PKD1: variants seen among roughly 807,000 people sequenced by gnomAD.
PKD1 encodes the protein polycystin-1.
A neutral mutation model predicts 361.7 loss-of-function variants in PKD1; 81 were observed. The ratio of observed to expected loss-of-function variants is 0.22; its 90% CI spans 0.19 to 0.27. The LOEUF is 0.27. Among genes scored for constraint, PKD1 ranks in the 10% least tolerant of loss-of-function variants. The pLI is 1.00. For synonymous variants in PKD1, 3,615 were observed against 2,818.3 expected, an observed-to-expected ratio of 1.28 and a Z score of -8.95; for missense variants, 6,399 against 6,118.3, an observed-to-expected ratio of 1.05 and a Z score of -1.53.
rs2092490012 is a variant in PKD1, at chr16:2,111,078, G to A, written c.4089C>T (p.Ser1363=). 2 of 1,610,534 alleles carry A rather than the reference G, an allele frequency of 1.2e-6. No individual in the cohort carries two copies. The highest frequency in any genetic ancestry group is 2.7e-5 in the African/African-American group (2 of 74,864). ...TGAAGTAATGCGCCCTGTTCACGCGGCTGGACAGCACCAGCGCCAGGGGGA... is the reference window on the plus strand; with the variant it reads ...TGAAGTAATGCGCCCTGTTCACGCGACTGGACAGCACCAGCGCCAGGGGGA... ...GTFPLALVLS[S]RVNRAHYFTS... is the part of the protein sequence containing the mutation. Residue 1363 remains serine (S), a synonymous_variant, in exon 15 of 46, where the codon AGC becomes AGT. Coordinates refer to ENST00000262304, the MANE Select transcript of PKD1 (RefSeq NM_001009944.3).
chr16:2,092,812 G>A (rs1247324534), intron 38 of PKD1, 142 bp downstream of exon 38: 3 of 1,038,866 alleles, frequency 2.9e-6, no homozygotes, highest in East Asian at 4.7e-5. Context: ...CCTCCCCTCT[G>A]CCTACTGATG....
At chr16:2,119,540 A>G (rs1157183790) in intron 1 of PKD1, 162 bp from the exon 2 acceptor site, 9 of 689,858 alleles carry the variant, frequency 1.3e-5, no homozygotes, top group South Asian at 1.2e-4. Context: ...GGAAGACCCA[A>G]ATGAACACTC....
chr16:2,108,232 C>T lies in PKD1; in HGVS notation c.6915+20G>A, dbSNP rs367724339. 1,138 of 1,585,478 alleles carry T rather than the reference C, an allele frequency of 7.2e-4. 10 individuals carry two copies. In the African/African-American group the frequency reaches 0.013, roughly 17 times the overall value. On this transcript the variant is annotated intron_variant, in intron 15 of 45. Coordinates refer to ENST00000262304, the MANE Select transcript of PKD1 (RefSeq NM_001009944.3). Reference sequence around the variant, plus strand: ...GTGGACGGGTGAGGGGCATGGAGGACGGCCCTGCCACGCACTGACCTGTGT... The same window carrying T: ...GTGGACGGGTGAGGGGCATGGAGGATGGCCCTGCCACGCACTGACCTGTGT...
intron 1 of PKD1, among the ~76,000 whole-genome samples, chr16:2,132,888 C>A (rs2092904080): frequency 6.7e-6 from 1 of 150,166 alleles, no homozygotes; most frequent in Non-Finnish European, 1.5e-5. Context: ...TCAAGACCAG[C>A]CTGACCAATA....
intron 34 of PKD1, 73 bp downstream of exon 34, chr16:2,097,075 A>C (rs1596499881): frequency 7.4e-6 from 3 of 405,560 alleles, no homozygotes; most frequent in Non-Finnish European, 9.7e-6. Flanking sequence ...CCCAGGCGGG[A>C]ACCACGGCTG....
At position 2,098,034 on chromosome 16, in the gene PKD1, G is replaced by T. The variant is rs757492696; in HGVS notation, c.10051-50C>A. On this transcript the variant is annotated intron_variant, in intron 30 of 45. Transcript: ENST00000262304. The stretch of plus-strand genomic sequence containing the variant: ...CGGGCGGCAGCTCAGACCTGCTCAG[G>T]ACAGGGATGAGAAGCCACCTCCTCA... 32 of 1,003,782 alleles carry T rather than the reference G, an allele frequency of 3.2e-5. No individual in the cohort carries two copies. The African/African-American group carries it at 4.3e-4, about 13-fold the overall frequency. 62.2% of individuals were successfully genotyped at this position (1,003,782 alleles called of 1,614,324 possible).
At position 2,090,503 on chromosome 16, in the gene PKD1, G is replaced by A. The variant is rs375653663; in HGVS notation, c.12226C>T (p.Pro4076Ser). ...CPGTGLSTLC[P>S]AESWHLSPLL... ...GGTGACAGGTGCCAGGACTCGGCAG[G>A]ACACAGGGTAGAGAGCCCAGTCCCA... The change falls in exon 45 of 46, where the codon CCT becomes TCT. Residue 4076 changes from proline (P) to serine (S), a missense_variant. Coordinates refer to ENST00000262304, the MANE Select transcript of PKD1 (RefSeq NM_001009944.3). The A allele has an allele frequency of 1.9e-6, 3 of 1,611,608 alleles. No individual in the cohort carries two copies. The highest frequency in any genetic ancestry group is 4.5e-5 in the East Asian group (2 of 44,860).
Position 2,109,609 on chromosome 16 carries a change from G to T in PKD1, c.5558C>A (p.Thr1853Asn), listed in dbSNP as rs375128600. 3.7e-6 allele frequency: 6 copies of T among 1,610,192 alleles called. No individual in the cohort carries two copies. The East Asian group carries it at 8.9e-5, about 24-fold the overall frequency. ...GGSSKRGPHV[T>N]MVFPDAGTFS... ...GGTGCCAGCATCCGGGAAGACCATG[G>T]TGACATGAGGGCCACGCTTGCTGCT... is the stretch of plus-strand genomic sequence containing the variant. Residue 1853 changes from threonine (T) to asparagine (N), a missense_variant, in exon 15 of 46, where the codon ACC becomes AAC. Physicochemically the swap from Thr to Asn is moderately conservative, Grantham distance 65. Transcript: ENST00000262304.
At chr16:2,092,860 G>GT in intron 38 of PKD1, 94 bp downstream of exon 38, 4 of 1,447,372 alleles carry the variant, frequency 2.8e-6, no homozygotes, top group Non-Finnish European at 2.9e-6. Flanking sequence ...AGCCACAAAG[G>GT]TATCTACACA....
rs191256283 is a variant in PKD1, at chr16:2,105,291, G to A, written c.8016+31C>T. On this transcript the variant is annotated intron_variant, in intron 21 of 45. Coordinates refer to ENST00000262304, the MANE Select transcript of PKD1 (RefSeq NM_001009944.3). The stretch of plus-strand genomic sequence containing the variant: ...GAACCCAGTGCCCTGGCAGGCATGC[G>A]GGGCAGGGTGAGCAGGTGGGGCCAT... The A allele has an allele frequency of 1.1e-3, 1,815 of 1,590,448 alleles. 1 individual carries two copies. The highest frequency in any genetic ancestry group is 1.3e-3 in the Non-Finnish European group (1,521 of 1,175,750).
In PKD1 at chr16:2,100,615, G is replaced by T; in HGVS notation, c.9398-49C>A. On this transcript the variant is annotated intron_variant, in intron 26 of 45. Transcript: ENST00000262304. This position sits in a 1 kb window ranked among gnomAD's most constrained non-coding sequence, Gnocchi z 4.4. ...GGAGGCTCGGTCTGCTGCCCAACAC[G>T]TGTGGCATCCCAGGCAAGTCATCTC... 1.3e-6 allele frequency: 2 copies of T among 1,512,482 alleles called. No individual in the cohort carries two copies. The highest frequency in any genetic ancestry group is 1.8e-6 in the Non-Finnish European group (2 of 1,097,868). The allele number at this position is 1,512,482 out of a possible 1,614,324, so 93.7% of individuals were successfully genotyped here. A position where few individuals can be genotyped will look rare whatever the true frequency, so the allele number is the denominator to read the frequency against.
At chr16:2,129,875 G>C (rs566686063) in intron 1 of PKD1, among the ~76,000 whole-genome samples, 34 of 151,822 alleles carry the variant, frequency 2.2e-4, no homozygotes, top group Non-Finnish European at 3.8e-4. Context: ...CCTGTCTGTT[G>C]TTGAATCATA....
chr16:2,102,940 T>A lies in PKD1; in HGVS notation c.8822A>T (p.Tyr2941Phe). ...GHYLSEEPEP[Y>F]LAVYLHSEPR... ...CTCCGAGTGTAGGTAGACTGCCAGG[T>A]AGGGCTCAGGTTCCTCAGACAGGTA... Residue 2941 changes from tyrosine to phenylalanine, a missense_variant, in exon 24 of 46, where the codon TAC becomes TTC. Tyr to Phe is a conservative substitution (Grantham distance 22). Coordinates refer to ENST00000262304, the MANE Select transcript of PKD1 (RefSeq NM_001009944.3). 6.2e-7 allele frequency: 1 copy of A among 1,607,856 alleles called. No individual in the cohort carries two copies.
Position 2,091,541 on chromosome 16 carries a change from G to A in PKD1, c.11594C>T (p.Ala3865Val). Residue 3865 changes from alanine to valine, a missense_variant, in exon 42 of 46, where the codon GCC becomes GTC. By Grantham distance (64) the Ala-to-Val change is moderately conservative. Transcript: ENST00000262304. Reference protein sequence around the residue: ...TRYSPAVGLHAAVTLRLEFPA... With the variant: ...TRYSPAVGLHVAVTLRLEFPA... The stretch of plus-strand genomic sequence containing the variant: ...GAACTCGAGGCGCAGCGTGACGGCG[G>A]CGTGCAGCCCCACGGCCGGGCTGTA... The A allele has an allele frequency of 2.0e-6, 3 of 1,510,442 alleles. No individual in the cohort carries two copies. The highest frequency in any genetic ancestry group is 2.6e-6 in the Non-Finnish European group (3 of 1,143,210). The allele number at this position is 1,510,442 out of a possible 1,614,324, so 93.6% of individuals were successfully genotyped here.
Position 2,118,642 on chromosome 16 carries a change from A to C in PKD1, c.529+34T>G. On this transcript the variant is annotated intron_variant, in intron 4 of 45. Transcript: ENST00000262304. The surrounding 1 kb of genome is among the most constrained non-coding windows in gnomAD (Gnocchi z 6.0). ...AGGGCCCAGGTCCCACCTGGCTGGG[A>C]AGGACAGAGCTGGCCCCACCCACCG... The C allele has an allele frequency of 8.3e-7, 1 of 1,209,918 alleles. No homozygotes were observed. The highest frequency in any genetic ancestry group is 1.2e-6 in the Non-Finnish European group (1 of 850,412). The allele number at this position is 1,209,918 out of a possible 1,614,324, so 74.9% of individuals were successfully genotyped here. A position where few individuals can be genotyped will look rare whatever the true frequency, so the allele number is the denominator to read the frequency against.
rs1020546338 is a variant in PKD1, at chr16:2,090,422, C to T, written c.12307G>A (p.Ala4103Thr). Residue 4103 changes from alanine (A) to threonine (T), a missense_variant, in exon 45 of 46, where the codon GCT becomes ACT. Coordinates refer to ENST00000262304, the MANE Select transcript of PKD1 (RefSeq NM_001009944.3). ...LRLWGALRLGAVILRWRYHAL... is the reference protein window; with the variant it reads ...LRLWGALRLGTVILRWRYHAL... Reference sequence around the variant, plus strand: ...TGGTAGCGCCAGCGGAGAATAACAGCCCCCAGCCGTAGGGCGCCCCACAGC... The same window carrying T: ...TGGTAGCGCCAGCGGAGAATAACAGTCCCCAGCCGTAGGGCGCCCCACAGC... 2 of 1,612,558 alleles carry T rather than the reference C, an allele frequency of 1.2e-6. No homozygotes were observed. Among genetic ancestry groups the T allele is most frequent in the Non-Finnish European group, 1.7e-6 (2 of 1,179,872 alleles).
rs755760795 is a variant in PKD1 at position 2,103,727 on chromosome 16, G to A, written c.8330C>T (p.Ala2777Val). Residue 2777 changes from alanine to valine, a missense_variant, in exon 23 of 46, where the codon GCG (alanine) becomes GTG (valine). Ala to Val is a moderately conservative substitution (Grantham distance 64, BLOSUM62 0). Coordinates refer to ENST00000262304, the MANE Select transcript of PKD1 (RefSeq NM_001009944.3). The stretch of plus-strand genomic sequence containing the variant: ...GCCCTGGGCCACGATCTCCTCGCCC[G>A]CCAGCGTCAGGGGCTCCTCGTTGAG... ...RVLNEEPLTL[A>V]GEEIVAQGKR... is the part of the protein sequence containing the mutation. 30 of 1,609,976 alleles carry A rather than the reference G, an allele frequency of 1.9e-5. No individual in the cohort carries two copies. The highest frequency in any genetic ancestry group is 2.2e-5 in the East Asian group (1 of 44,756).
intron 1 of PKD1, among the ~76,000 whole-genome samples, chr16:2,129,522 T>A (rs907742777): frequency 2.0e-5 from 3 of 149,648 alleles, no homozygotes; most frequent in African/African-American, 7.4e-5. Flanking sequence ...TTTGGAGAAA[T>A]CTCTGTTCAG....
At chr16:2,127,325 C>G (rs534461893) in intron 1 of PKD1, among the ~76,000 whole-genome samples, 16 of 152,288 alleles carry the variant, frequency 1.1e-4, no homozygotes, top group African/African-American at 3.9e-4. Context: ...CACACCAGAA[C>G]GCGTCAAAAG....
Sources: allele counts gnomAD v4.1 joint callset (sites outside exome capture counted in the v4.1 genomes callset), GRCh38; gene constraint gnomAD v4.1.1; non-coding constraint Gnocchi (gnomAD v3.1); transcripts MANE v1.5; gene names NCBI Gene and HGNC (gene_info 2026-07-23, HGNC 2026-07-21).